FAM184B: variants seen among roughly 807,000 people sequenced by gnomAD.
FAM184B encodes the protein protein FAM184B.
Under a neutral mutation model 135.9 loss-of-function variants are expected in FAM184B, and 111 were observed. The observed-to-expected ratio is 0.82, with a 90% CI of 0.70 to 0.96. The LOEUF is 0.96. Among genes scored for constraint, FAM184B ranks in the 40% least tolerant of loss-of-function variants. FAM184B has a pLI of 0.00. For synonymous variants in FAM184B, 552 were observed against 524.8 expected (o/e 1.05, Z -0.71); for missense variants, 1,375 against 1,323.9 (o/e 1.04, Z -0.60).
chr4:17,630,177 C>T lies in FAM184B; in HGVS notation c.*2355G>A, dbSNP rs913110570. The T allele has an allele frequency of 3.7e-4, 57 of 152,244 alleles. No individual in the cohort carries two copies. The highest frequency in any genetic ancestry group is 1.3e-3 in the African/African-American group (56 of 41,550). The allele number at this position is 152,244 out of a possible 1,614,324, so 9.4% of individuals were successfully genotyped here. ...CAAAGTGCAGCCTGGGAAAGTGTTT[C>T]AACACACAAAAATAGAACCACCTGT... On this transcript the variant is annotated 3_prime_UTR_variant, in exon 18 of 18. Coordinates refer to ENST00000265018, the MANE Select transcript of FAM184B (RefSeq NM_015688.2).
At chr4:17,655,335 T>C (rs1460807350) in intron 10 of FAM184B, among the ~76,000 whole-genome samples, 1 of 152,082 alleles carries the variant, frequency 6.6e-6, no homozygotes, top group African/African-American at 2.4e-5. Flanking sequence ...TGACCCAGCC[T>C]CTCTCCATCC....
intron 7 of FAM184B, among the ~76,000 whole-genome samples, chr4:17,677,973 C>T (rs201138511): frequency 6.7e-6 from 1 of 148,890 alleles, no homozygotes; most frequent in African/African-American, 2.4e-5. Flanking sequence ...TCCAGCATCC[C>T]TTTATGGTTA....
intron 12 of FAM184B, among the ~76,000 whole-genome samples, chr4:17,645,826 C>T (rs1251959758): frequency 6.6e-6 from 1 of 152,104 alleles, no homozygotes; most frequent in Non-Finnish European, 1.5e-5. Context: ...GCAATCTACT[C>T]ATCTGACAAA....
At chr4:17,721,139 C>G (rs574774901) in intron 1 of FAM184B, among the ~76,000 whole-genome samples, 1 of 151,800 alleles carries the variant, frequency 6.6e-6, no homozygotes, top group South Asian at 2.1e-4. Flanking sequence ...AATCCCAGCA[C>G]TTTCGGAGGC....
At chr4:17,728,384 C>G (rs1717691950) in intron 1 of FAM184B, among the ~76,000 whole-genome samples, 1 of 152,008 alleles carries the variant, frequency 6.6e-6, no homozygotes, top group South Asian at 2.1e-4. Flanking sequence ...GAGACCCTGT[C>G]TCTTAAAAAA....
chr4:17,660,292 T>C (rs927746752), intron 8 of FAM184B, among the ~76,000 whole-genome samples: 1 of 152,148 alleles, frequency 6.6e-6, no homozygotes, highest in African/African-American at 2.4e-5. Context: ...GGGAACCACC[T>C]GATATCTGTT....
At chr4:17,698,167 G>T (rs6449326) in intron 5 of FAM184B, among the ~76,000 whole-genome samples, 93,007 of 151,944 alleles carry the variant, frequency 0.61, 29,035 homozygotes, top group East Asian at 0.93. Context: ...AACTGCTTCA[G>T]CCCAAACCTG....
intron 11 of FAM184B, among the ~76,000 whole-genome samples, chr4:17,649,885 C>CACCT (rs56773661): frequency 2.0e-5 from 3 of 150,786 alleles, no homozygotes; most frequent in Non-Finnish European, 4.4e-5. Context: ...TCCATCCACC[C>CACCT]ATCTATCTGT....
intron 1 of FAM184B, among the ~76,000 whole-genome samples, chr4:17,739,555 G>GTTCTTTTTTTTTTT (rs1717979952): frequency 1.6e-5 from 1 of 62,510 alleles, no homozygotes; most frequent in Non-Finnish European, 2.7e-5. Flanking sequence ...CATACCAACT[G>GTTCTTTTTTTTTTT]TTTTTTTTTT....
At position 17,658,575 on chromosome 4, in the gene FAM184B, C is replaced by T. The variant is rs1193652521; in HGVS notation, c.1825-13G>A. On this transcript the variant is annotated splice_polypyrimidine_tract_variant and intron_variant, in intron 9 of 17. Transcript: ENST00000265018. The stretch of plus-strand genomic sequence containing the variant: ...GCATCTGTGAGACCTGCGCACAAGG[C>T]ATCCTGCCCTCAGTCTAAGCCCCTT... The T allele has an allele frequency of 3.9e-6, 6 of 1,548,620 alleles. No individual in the cohort carries two copies. Among genetic ancestry groups the T allele is most frequent in the Non-Finnish European group, 5.2e-6 (6 of 1,145,948 alleles).
intron 1 of FAM184B, among the ~76,000 whole-genome samples, chr4:17,729,927 C>T (rs539191100): frequency 7.2e-5 from 11 of 152,124 alleles, no homozygotes; most frequent in African/African-American, 1.7e-4. Context: ...ATGACTTTGA[C>T]GAGCTGAGAG....
At chr4:17,660,689 C>G (rs1715897169) in intron 8 of FAM184B, among the ~76,000 whole-genome samples, 1 of 151,628 alleles carries the variant, frequency 6.6e-6, no homozygotes, top group Admixed American at 6.6e-5. Flanking sequence ...TAGAAGAGAC[C>G]AGAGCTCCCT....
At chr4:17,738,827 C>T (rs1717963713) in intron 1 of FAM184B, among the ~76,000 whole-genome samples, 9 of 152,154 alleles carry the variant, frequency 5.9e-5, no homozygotes, top group Admixed American at 5.9e-4. Flanking sequence ...AGTTTTCACT[C>T]TATTATTATA....
intron 13 of FAM184B, among the ~76,000 whole-genome samples, chr4:17,640,148 T>C (rs968844538): frequency 6.6e-6 from 1 of 151,278 alleles, no homozygotes; most frequent in Non-Finnish European, 1.5e-5. Context: ...TGAATCTTTA[T>C]CCCTCACCTT....
intron 12 of FAM184B, among the ~76,000 whole-genome samples, chr4:17,646,280 G>A (rs182125157): frequency 0.018 from 2,740 of 151,268 alleles, 79 homozygotes; most frequent in African/African-American, 0.063. Context: ...ACATGCACAC[G>A]TATGTTTACT....
chr4:17,688,063 G>C (rs918441876), intron 7 of FAM184B, among the ~76,000 whole-genome samples: 3 of 152,164 alleles, frequency 2.0e-5, no homozygotes, highest in African/African-American at 4.8e-5. Context: ...CAGACAGCCG[G>C]GGCAAGAGAG....
chr4:17,667,166 C>G (rs950595599), intron 7 of FAM184B, among the ~76,000 whole-genome samples: 1 of 151,992 alleles, frequency 6.6e-6, no homozygotes, highest in Non-Finnish European at 1.5e-5. Flanking sequence ...TGCTATGTTG[C>G]CTAGGCTGGT....
chr4:17,768,824 G>A (rs1167607594), intron 1 of FAM184B, among the ~76,000 whole-genome samples: 2 of 148,888 alleles, frequency 1.3e-5, no homozygotes, highest in Admixed American at 6.7e-5. Context: ...TTTTTTTTGA[G>A]ATGGAGTTTT....
intron 16 of FAM184B, 77 bp downstream of exon 16, chr4:17,634,932 A>G (rs868086463): frequency 4.0e-6 from 4 of 1,009,188 alleles, no homozygotes; most frequent in Non-Finnish European, 5.8e-6. Context: ...CAGCCCTTAA[A>G]TAACCTGTGG....
Sources: allele counts gnomAD v4.1 joint callset (sites outside exome capture counted in the v4.1 genomes callset), GRCh38; gene constraint gnomAD v4.1.1; transcripts MANE v1.5; gene names NCBI Gene and HGNC (gene_info 2026-07-23, HGNC 2026-07-21).